PRKCQ: variants seen among roughly 807,000 people sequenced by gnomAD.
The protein encoded by PRKCQ is protein kinase C theta, also known as protein kinase C theta type.
A neutral mutation model predicts 91.2 loss-of-function variants in PRKCQ; 41 were observed. That is an observed-to-expected ratio of 0.45 (90% CI 0.35 to 0.58). The LOEUF is 0.58. PRKCQ is among the 20% of genes least tolerant of loss of function. The probability of loss-of-function intolerance (pLI) is 0.00; values close to 1 mark genes in which losing one functional copy is unlikely to be tolerated. For synonymous variants in PRKCQ, 307 were observed against 316.9 expected (o/e 0.97, Z 0.33); for missense variants, 673 against 896.5 (o/e 0.75, Z 3.18).
chr10:6,518,554 G>A (rs952516193), intron 1 of PRKCQ, among the ~76,000 whole-genome samples: 1 of 152,082 alleles, frequency 6.6e-6, no homozygotes, highest in Non-Finnish European at 1.5e-5. Context: ...GGGCATGGTG[G>A]CTCACGCCTG....
At chr10:6,442,180 A>T in intron 15 of PRKCQ, 99 bp from the exon 16 acceptor site, 1 of 1,190,364 alleles carries the variant, frequency 8.4e-7, no homozygotes, top group Non-Finnish European at 1.2e-6. Flanking sequence ...ATGGTCGAGG[A>T]TGATGGTGTG....
intron 15 of PRKCQ, among the ~76,000 whole-genome samples, chr10:6,448,540 C>T (rs570126183): frequency 1.3e-5 from 2 of 152,158 alleles, no homozygotes; most frequent in African/African-American, 2.4e-5. Flanking sequence ...TCCTGAGCAG[C>T]TGGGATTACA....
chr10:6,541,092 A>G (rs1181566447), intron 1 of PRKCQ, among the ~76,000 whole-genome samples: 1 of 152,264 alleles, frequency 6.6e-6, no homozygotes, highest in African/African-American at 2.4e-5. Context: ...CTGAAGGTCC[A>G]TAAATGCAGA....
chr10:6,448,608 C>T (rs577890714), intron 15 of PRKCQ, among the ~76,000 whole-genome samples: 3 of 152,104 alleles, frequency 2.0e-5, no homozygotes, highest in Non-Finnish European at 2.9e-5. Flanking sequence ...GGGGTTTCAC[C>T]GTGTTAGCCA....
chr10:6,403,530 C>T, the PRKCQ span, among the ~76,000 whole-genome samples: 11 of 152,242 alleles, frequency 7.2e-5, no homozygotes, highest in Non-Finnish European at 1.3e-4. Context: ...AGGTTTCTGC[C>T]GACTTTGGTG....
chr10:6,428,158 A>G lies in PRKCQ; in HGVS notation c.*49T>C, dbSNP rs1348028640. On this transcript the variant is annotated 3_prime_UTR_variant, in exon 18 of 18. Coordinates refer to ENST00000263125, the MANE Select transcript of PRKCQ (RefSeq NM_006257.5). The stretch of plus-strand genomic sequence containing the variant: ...GAACCCAAGCAGTGTCTCTTGAACC[A>G]GTTCCCAGGGAGAAGGCAAATTCTT... The G allele has an allele frequency of 6.2e-7, 1 of 1,610,620 alleles. No homozygotes were observed. The highest frequency in any genetic ancestry group is 1.1e-5 in the South Asian group (1 of 90,858).
At chr10:6,420,510 C>T in the PRKCQ span, among the ~76,000 whole-genome samples, 1 of 152,186 alleles carries the variant, frequency 6.6e-6, no homozygotes, top group Non-Finnish European at 1.5e-5. Flanking sequence ...AGTTCCCTCC[C>T]CTGAGATGAC....
chr10:6,534,383 C>G (rs114840609), intron 1 of PRKCQ, among the ~76,000 whole-genome samples: 3 of 152,278 alleles, frequency 2.0e-5, no homozygotes, highest in Admixed American at 6.5e-5. Flanking sequence ...GAACATGACT[C>G]TTAATATCCT....
At position 6,478,862 on chromosome 10, in the gene PRKCQ, A is replaced by G. The variant is rs1588723374; in HGVS notation, c.1353+130T>C. ...GTGTGTAGAAGGGATGTTTGGATGG[A>G]TGGCAGGTACACCGAAATGTAAGAT... On this transcript the variant is annotated intron_variant, in intron 12 of 17. Coordinates refer to ENST00000263125, the MANE Select transcript of PRKCQ (RefSeq NM_006257.5). The G allele has an allele frequency of 2.9e-6, 3 of 1,023,244 alleles. No homozygotes were observed. In the East Asian group the frequency reaches 7.3e-5, roughly 25 times the overall value. The allele number at this position is 1,023,244 out of a possible 1,614,324, so 63.4% of individuals were successfully genotyped here.
downstream of PRKCQ, among the ~76,000 whole-genome samples, chr10:6,426,010 G>A (rs80179527): frequency 2.8e-3 from 423 of 152,202 alleles, 6 homozygotes; most frequent in East Asian, 0.064. Flanking sequence ...AGGAGAGGAC[G>A]ACTGGAAGGA....
At chr10:6,496,113 G>A (rs1196192228) in intron 7 of PRKCQ, among the ~76,000 whole-genome samples, 1 of 151,108 alleles carries the variant, frequency 6.6e-6, no homozygotes, top group Non-Finnish European at 1.5e-5. Flanking sequence ...CTACTCAGGA[G>A]GCTGAGGCAG....
chr10:6,498,462 C>A lies in PRKCQ; in HGVS notation c.476G>T (p.Cys159Phe). 1 of 1,614,178 alleles carries A rather than the reference C, an allele frequency of 6.2e-7. No homozygotes were observed. The highest frequency in any genetic ancestry group is 8.5e-7 in the Non-Finnish European group (1 of 1,180,036). The change falls in exon 5 of 18, where the codon TGC becomes TTC. Residue 159 changes from cysteine to phenylalanine, a missense_variant. Coordinates refer to ENST00000263125, the MANE Select transcript of PRKCQ (RefSeq NM_006257.5). ...GAAGAAGGTGGCAGTGAACTCGTGGCACTTGACGTGGTGGACCTTTGCCTG... is the reference window on the plus strand; with the variant it reads ...GAAGAAGGTGGCAGTGAACTCGTGGAACTTGACGTGGTGGACCTTTGCCTG... The part of the protein sequence containing the change: ...IKQAKVHHVK[C>F]HEFTATFFPQ...
intron 15 of PRKCQ, among the ~76,000 whole-genome samples, chr10:6,453,588 A>C (rs929582374): frequency 6.6e-6 from 1 of 152,254 alleles, no homozygotes; most frequent in Non-Finnish European, 1.5e-5. Context: ...CCAAAGGACT[A>C]GAAATCATGC....
At chr10:6,433,953 C>G (rs1028728182) in intron 16 of PRKCQ, among the ~76,000 whole-genome samples, 2 of 149,448 alleles carry the variant, frequency 1.3e-5, no homozygotes, top group Non-Finnish European at 2.9e-5. Context: ...ATCATTTGAA[C>G]CTGGGAGGTG....
At chr10:6,395,297 C>T in the PRKCQ span, among the ~76,000 whole-genome samples, 4 of 151,054 alleles carry the variant, frequency 2.6e-5, no homozygotes, top group Non-Finnish European at 5.9e-5. Context: ...ATCTCCTGAC[C>T]TCGTGATCCG....
chr10:6,480,486 TG>T (rs1836537169), intron 11 of PRKCQ, among the ~76,000 whole-genome samples: 1 of 152,240 alleles, frequency 6.6e-6, no homozygotes, highest in African/African-American at 2.4e-5. Context: ...AACACACTGT[TG>T]GCAATGGTAA....
At chr10:6,461,695 A>G (rs1835359407) in intron 14 of PRKCQ, among the ~76,000 whole-genome samples, 1 of 152,214 alleles carries the variant, frequency 6.6e-6, no homozygotes, top group South Asian at 2.1e-4. Context: ...CCAGCAGCTC[A>G]GCCATCCTCC....
intron 1 of PRKCQ, among the ~76,000 whole-genome samples, chr10:6,565,488 G>A (rs1840808167): frequency 6.6e-6 from 1 of 152,190 alleles, no homozygotes; most frequent in African/African-American, 2.4e-5. Flanking sequence ...GCTAATGGTT[G>A]AGTTTTACTT....
At chr10:6,511,218 C>G (rs759469856) in intron 2 of PRKCQ, 24 bp from the exon 3 acceptor site, 38 of 1,606,496 alleles carry the variant, frequency 2.4e-5, no homozygotes, top group Non-Finnish European at 3.0e-5. Context: ...CGTAAGGTCT[C>G]ATTATTCCTT....
Sources: gnomAD v4.1 joint callset for allele counts (sites outside exome capture counted in the v4.1 genomes callset) on GRCh38, gnomAD v4.1.1 for gene constraint, MANE v1.5 for transcripts, NCBI Gene and HGNC (gene_info 2026-07-23, HGNC 2026-07-21) for gene names.